CLTA: variants seen among roughly 807,000 people sequenced by gnomAD.
The protein encoded by CLTA is clathrin, light polypeptide (Lca).
In CLTA, 9 loss-of-function variants were observed where a neutral mutation model predicts 26.9. That is an observed-to-expected ratio of 0.33 (90% CI 0.20 to 0.58). CLTA has a LOEUF of 0.58. Among genes scored for constraint, CLTA ranks in the 20% least tolerant of loss-of-function variants. The pLI is 0.85. For missense variants in CLTA, 278 were observed against 294.2 expected (o/e 0.94, Z 0.40); for synonymous variants, 120 against 115.5 (o/e 1.04, Z -0.25).
chr9:36,209,127 C>CG (rs1827892928), intron 4 of CLTA: 1 of 1,001,246 alleles, frequency 1.0e-6, no homozygotes, highest in South Asian at 1.6e-5. Flanking sequence ...GGAAGCCTCA[C>CG]GGGGGTTAGG....
intron 4 of CLTA, among the ~76,000 whole-genome samples, chr9:36,208,585 T>C (rs927419492): frequency 3.9e-5 from 6 of 152,310 alleles, no homozygotes; most frequent in Non-Finnish European, 5.9e-5. Flanking sequence ...AATGACGATA[T>C]GTGTTCCCAG....
chr9:36,199,930 A>G (rs1313583098), intron 3 of CLTA, among the ~76,000 whole-genome samples: 1 of 152,236 alleles, frequency 6.6e-6, no homozygotes, highest in Non-Finnish European at 1.5e-5. Context: ...ATACTCAGCT[A>G]AGGAATGGTA....
intron 3 of CLTA, among the ~76,000 whole-genome samples, chr9:36,202,103 C>G (rs560362666): frequency 3.0e-4 from 45 of 152,100 alleles, no homozygotes; most frequent in African/African-American, 1.1e-3. Flanking sequence ...AGAGCGAGAC[C>G]CTATCTCAAA....
In CLTA at chr9:36,191,141, G is replaced by A. The variant is rs1826682686; in HGVS notation, c.85G>A (p.Glu29Lys). The change falls in exon 1 of 5, where the codon GAA becomes AAA. Residue 29 changes from glutamate to lysine, a missense_variant. Coordinates refer to ENST00000345519, the MANE Select transcript of CLTA (RefSeq NM_001833.4). ...GAACGGAGTGGCCGGCGCCGGCGAAGAAGACCCGGCTGCGGCCTTCTTGGC... is the reference window on the plus strand; with the variant it reads ...GAACGGAGTGGCCGGCGCCGGCGAAAAAGACCCGGCTGCGGCCTTCTTGGC... The part of the protein sequence containing the change: ...LGNGVAGAGE[E>K]DPAAAFLAQQ... 1 of 1,600,660 alleles carries A rather than the reference G, an allele frequency of 6.2e-7. No individual in the cohort carries two copies. Among genetic ancestry groups the A allele is most frequent in the African/African-American group, 1.3e-5 (1 of 74,386 alleles).
intron 1 of CLTA, 63 bp downstream of exon 1, chr9:36,191,336 C>G (rs1826703672): frequency 3.5e-6 from 5 of 1,433,954 alleles, no homozygotes; most frequent in Non-Finnish European, 4.6e-6. Flanking sequence ...ACAGTGGGTC[C>G]GAGAGCTTCT....
At position 36,208,973 on chromosome 9, in the gene CLTA, T is replaced by A. The variant is rs554690276; in HGVS notation, c.486-2630T>A. Among the ~76,000 whole-genome samples, 6 of 152,320 alleles carry A rather than the reference T, an allele frequency of 3.9e-5. No individual in the cohort carries two copies. In the South Asian group the frequency reaches 1.0e-3, roughly 26 times the overall value. ...ATCAACATAATGTATGTGAAAGGGC[T>A]TAGTCCATGATTGGGTGCTTAATAA... is the stretch of plus-strand genomic sequence containing the variant. On this transcript the variant is annotated intron_variant, in intron 4 of 4. Coordinates refer to ENST00000345519, the MANE Select transcript of CLTA (RefSeq NM_001833.4).
intron 3 of CLTA, among the ~76,000 whole-genome samples, chr9:36,200,254 T>A (rs1827325559): frequency 6.6e-6 from 1 of 152,152 alleles, no homozygotes; most frequent in Non-Finnish European, 1.5e-5. Context: ...ACAGAACAAT[T>A]GAAAGGAGGA....
intron 3 of CLTA, among the ~76,000 whole-genome samples, chr9:36,202,949 G>A (rs1279165002): frequency 6.6e-6 from 1 of 151,632 alleles, no homozygotes; most frequent in South Asian, 2.1e-4. Flanking sequence ...AGCCTCCCCA[G>A]TAATCCCCAG....
intron 4 of CLTA, among the ~76,000 whole-genome samples, chr9:36,206,943 T>C (rs1271483207): frequency 6.6e-6 from 1 of 152,120 alleles, no homozygotes; most frequent in Non-Finnish European, 1.5e-5. Flanking sequence ...CAAGCAAGTA[T>C]GATTCTCTCT....
chr9:36,206,911 AAAG>A (rs138411011), intron 4 of CLTA, among the ~76,000 whole-genome samples: 16,056 of 152,158 alleles, frequency 0.11, 915 homozygotes, highest in East Asian at 0.17. Flanking sequence ...AGAAAAGAAA[AAAG>A]AAAACGGGGT....
intron 4 of CLTA, among the ~76,000 whole-genome samples, chr9:36,211,390 C>G (rs1375930445): frequency 4.6e-5 from 7 of 152,190 alleles, no homozygotes; most frequent in African/African-American, 1.4e-4. Flanking sequence ...CACCTGTATT[C>G]CAACATTTTA....
intron 3 of CLTA, among the ~76,000 whole-genome samples, chr9:36,199,722 G>T (rs1827293346): frequency 6.6e-6 from 1 of 151,988 alleles, no homozygotes; most frequent in South Asian, 2.1e-4. Context: ...CTAAAATGCT[G>T]GGATTACAGG....
chr9:36,199,481 ACT>A (rs1373382438), intron 3 of CLTA, among the ~76,000 whole-genome samples: 1 of 142,768 alleles, frequency 7.0e-6, no homozygotes, highest in African/African-American at 2.6e-5. Context: ...ATGAAGTCTC[ACT>A]CTGTTACCCA....
Position 36,199,012 on chromosome 9 carries a change from A to G in CLTA, c.289A>G (p.Ile97Val), listed in dbSNP as rs770633121. ...SNGPTDSYAA[I>V]SQVDRLQSEP... ...TGGTCCAACAGACAGTTATGCAGCT[A>G]TTTCACAAGTGGATCGATTGCAGTC... The change falls in exon 3 of 5, where the codon ATT becomes GTT. Residue 97 changes from isoleucine to valine, a missense_variant. Coordinates refer to ENST00000345519, the MANE Select transcript of CLTA (RefSeq NM_001833.4). 34 of 1,613,716 alleles carry G rather than the reference A, an allele frequency of 2.1e-5. No homozygotes were observed. Among genetic ancestry groups the G allele is most frequent in the African/African-American group, 2.7e-5 (2 of 74,892 alleles).
chr9:36,199,313 C>T (rs1827260092), intron 3 of CLTA, among the ~76,000 whole-genome samples: 1 of 152,206 alleles, frequency 6.6e-6, no homozygotes, highest in African/African-American at 2.4e-5. Context: ...CCAAGATCCT[C>T]TCACAGGAAG....
At chr9:36,207,222 T>C (rs1827779309) in intron 4 of CLTA, among the ~76,000 whole-genome samples, 1 of 152,310 alleles carries the variant, frequency 6.6e-6, no homozygotes, top group Admixed American at 6.5e-5. Context: ...AGTTGAGGCC[T>C]AAGTGTCACA....
chr9:36,210,169 T>C (rs959222178), intron 4 of CLTA, among the ~76,000 whole-genome samples: 1 of 152,090 alleles, frequency 6.6e-6, no homozygotes, highest in East Asian at 1.9e-4. Flanking sequence ...TGGAAACAGT[T>C]CTCATTGTCT....
At chr9:36,193,638 G>A (rs1417425802) in intron 1 of CLTA, among the ~76,000 whole-genome samples, 1 of 152,056 alleles carries the variant, frequency 6.6e-6, no homozygotes, top group Non-Finnish European at 1.5e-5. Context: ...GTTTTAGGCG[G>A]GAGCTCTCTT....
chr9:36,204,427 G>A (rs1827601000), intron 4 of CLTA, among the ~76,000 whole-genome samples: 1 of 152,166 alleles, frequency 6.6e-6, no homozygotes, highest in African/African-American at 2.4e-5. Flanking sequence ...AACCTGTAAT[G>A]GTGTGATTCA....
Sources: allele counts gnomAD v4.1 joint callset (sites outside exome capture counted in the v4.1 genomes callset), GRCh38; gene constraint gnomAD v4.1.1; transcripts MANE v1.5; gene names NCBI Gene and HGNC (gene_info 2026-07-23, HGNC 2026-07-21).